Variants in MTOR observed in about 807,000 individuals in gnomAD.
MTOR encodes the protein mechanistic target of rapamycin kinase.
MTOR carries 70 observed loss-of-function variants against 319.8 expected under a neutral mutation model. The observed-to-expected ratio is 0.22, with a 90% confidence interval of 0.18 to 0.27. The LOEUF is 0.27. Among genes scored for constraint, MTOR ranks in the 10% least tolerant of loss-of-function variants. MTOR has a pLI of 1.00. For missense variants in MTOR, 1,890 were observed against 3,274.4 expected (o/e 0.58, Z 10.32); for synonymous variants, 1,183 against 1,211.4 (o/e 0.98, Z 0.49).
intron 19 of MTOR, among the ~76,000 whole-genome samples, chr1:11,222,018 A>C (rs1646679680): frequency 6.6e-6 from 1 of 151,446 alleles, no homozygotes; most frequent in Admixed American, 6.6e-5. Context: ...GGAGGTGGGA[A>C]GGTGCCTGGC....
chr1:11,236,302 A>G (rs959518881), intron 13 of MTOR, among the ~76,000 whole-genome samples: 12 of 151,742 alleles, frequency 7.9e-5, no homozygotes, highest in African/African-American at 2.7e-4. Flanking sequence ...ACACCCAGCT[A>G]ACTTTCGTAT....
chr1:11,212,934 G>A lies in MTOR; in HGVS notation c.3286-26C>T, dbSNP rs181405432. The A allele has an allele frequency of 3.5e-3, 5,584 of 1,578,520 alleles. 11 individuals carry two copies. Among genetic ancestry groups the A allele is most frequent in the Middle Eastern group, 4.7e-3 (28 of 5,984 alleles). ...CTGCAAAAGGGAGCAAAAGCATGGT[G>A]ATGAATAGTCAGGTCCCAAGTATCT... On this transcript the variant is annotated intron_variant, in intron 21 of 57. Coordinates refer to ENST00000361445, the MANE Select transcript of MTOR (RefSeq NM_004958.4). This position sits in a 1 kb window ranked among gnomAD's most constrained non-coding sequence, Gnocchi z 4.1.
rs908093207 is a variant in MTOR, at chr1:11,210,736, C to A, written c.3654+78G>T. ...ATTTACAGCCAAAAAGCTACACAAA[C>A]TCCCATAGCCAAGATTACAAGAATA... is the stretch of plus-strand genomic sequence containing the variant. On this transcript the variant is annotated intron_variant, in intron 24 of 57. Transcript: ENST00000361445. 3 of 1,159,338 alleles carry A rather than the reference C, an allele frequency of 2.6e-6. No homozygotes were observed. The African/African-American group carries it at 4.7e-5, about 18-fold the overall frequency. The allele number at this position is 1,159,338 out of a possible 1,614,324, so 71.8% of individuals were successfully genotyped here.
In MTOR at chr1:11,121,127, G is replaced by A. The variant is rs941258742; in HGVS notation, c.6933+119C>T. On this transcript the variant is annotated intron_variant, in intron 49 of 57. Transcript: ENST00000361445. The surrounding 1 kb of genome is among the most constrained non-coding windows in gnomAD (Gnocchi z 4.9). ...ATTTTTGTTAGAAAAGTCTGGACAC[G>A]CTCTACAGCCAATCACAGCAAAGAA... The A allele has an allele frequency of 8.0e-6, 11 of 1,370,948 alleles. No individual in the cohort carries two copies. The highest frequency in any genetic ancestry group is 2.9e-5 in the South Asian group (2 of 69,430). The allele number at this position is 1,370,948 out of a possible 1,614,324, so 84.9% of individuals were successfully genotyped here. A position where few individuals can be genotyped will look rare whatever the true frequency, so the allele number is the denominator to read the frequency against.
At chr1:11,167,270 G>T (rs1644676839) in intron 29 of MTOR, among the ~76,000 whole-genome samples, 172 bp downstream of exon 29, 1 of 151,712 alleles carries the variant, frequency 6.6e-6, no homozygotes, top group African/African-American at 2.4e-5. Context: ...AAGAAATAGA[G>T]TCCCTACAGA....
rs1220605886 is a variant in MTOR, at chr1:11,130,631, AGTGGCGGCCGTG to A, written c.5499_5510del (p.Thr1834_Thr1837del). ...CCTCGGTGCTGGCAGTGGTGGTGGC[AGTGGCGGCCGTG>A]GTGGCGGCAGTGGTGGCGTTGGTGA... is the stretch of plus-strand genomic sequence containing the variant. On this transcript the variant is annotated inframe_deletion, in exon 39 of 58. Coordinates refer to ENST00000361445, the MANE Select transcript of MTOR (RefSeq NM_004958.4). The A allele has an allele frequency of 3.7e-6, 6 of 1,613,788 alleles. No homozygotes were observed. Among genetic ancestry groups the A allele is most frequent in the South Asian group, 2.2e-5 (2 of 91,010 alleles).
At chr1:11,184,435 T>A (rs1645250015) in intron 28 of MTOR, among the ~76,000 whole-genome samples, 1 of 152,170 alleles carries the variant, frequency 6.6e-6, no homozygotes, top group Non-Finnish European at 1.5e-5. Flanking sequence ...TCATTTGCGG[T>A]GAAAAAATCT....
intron 19 of MTOR, among the ~76,000 whole-genome samples, chr1:11,217,972 A>G (rs535154541): frequency 6.6e-6 from 1 of 152,242 alleles, no homozygotes; most frequent in South Asian, 2.1e-4. Context: ...TTCCCTAATG[A>G]TAACTTTGAC....
chr1:11,109,663 G>A lies in MTOR; in HGVS notation c.7433C>T (p.Ser2478Phe). ...GCTGAACTTACTGAAAGAATGAATA[G>A]ATTCTGGCACTGTGGTCCCCGTTTT... The part of the protein sequence containing the change: ...HKKTGTTVPE[S>F]IHSFIGDGLV... Residue 2478 changes from serine to phenylalanine, a missense_variant, in exon 55 of 58, where the codon TCT becomes TTT. Around this residue, in one of 15 missense-constraint regions of MTOR, gnomAD observed 49 missense variants for 67.6 expected, o/e 0.72. Coordinates refer to ENST00000361445, the MANE Select transcript of MTOR (RefSeq NM_004958.4). The surrounding 1 kb of genome is among the most constrained non-coding windows in gnomAD (Gnocchi z 4.0). 3 of 1,614,130 alleles carry A rather than the reference G, an allele frequency of 1.9e-6. No homozygotes were observed. Among genetic ancestry groups the A allele is most frequent in the Non-Finnish European group, 2.5e-6 (3 of 1,179,986 alleles).
intron 7 of MTOR, 32 bp from the exon 8 acceptor site, chr1:11,247,765 G>GA (rs774507142): frequency 6.2e-7 from 1 of 1,613,900 alleles, no homozygotes; most frequent in Admixed American, 1.7e-5. Flanking sequence ...GTTGGCAGGG[G>GA]AAAAGTGAGG....
intron 46 of MTOR, among the ~76,000 whole-genome samples, chr1:11,125,481 AAC>A (rs1642778246): frequency 6.6e-6 from 1 of 152,072 alleles, no homozygotes; most frequent in African/African-American, 2.4e-5. Context: ...CTGTAATCCT[AAC>A]ATTGTGGGAG....
Position 11,212,552 on chromosome 1 carries a change from A to T in MTOR, c.3399-78T>A. The T allele has an allele frequency of 1.3e-6, 2 of 1,517,316 alleles. No individual in the cohort carries two copies. The highest frequency in any genetic ancestry group is 1.8e-6 in the Non-Finnish European group (2 of 1,118,952). 94.0% of individuals were successfully genotyped at this position (1,517,316 alleles called of 1,614,324 possible). ...AGACGTGACTGAGGGTGAGCTTAAC[A>T]ATCAGCACCAAAGGGATGGGAATGA... is the stretch of plus-strand genomic sequence containing the variant. On this transcript the variant is annotated intron_variant, in intron 22 of 57. Transcript: ENST00000361445. This position sits in a 1 kb window ranked among gnomAD's most constrained non-coding sequence, Gnocchi z 4.1.
At chr1:11,236,802 C>T (rs930580324) in intron 13 of MTOR, among the ~76,000 whole-genome samples, 13 of 152,290 alleles carry the variant, frequency 8.5e-5, no homozygotes, top group African/African-American at 3.1e-4. Context: ...TGAGCCACCA[C>T]GCCCGGCCTT....
chr1:11,233,699 T>C (rs1353677401), intron 14 of MTOR, among the ~76,000 whole-genome samples: 1 of 152,234 alleles, frequency 6.6e-6, no homozygotes, highest in Non-Finnish European at 1.5e-5. Context: ...GGAAGCACCA[T>C]AATGTGAAAG....
chr1:11,156,068 G>C (rs868750697), intron 30 of MTOR, among the ~76,000 whole-genome samples: 2 of 152,134 alleles, frequency 1.3e-5, no homozygotes, highest in African/African-American at 2.4e-5. Context: ...TCAGCTCACT[G>C]CAACCTCCGC....
At chr1:11,255,725 G>C (rs969608720) in intron 5 of MTOR, among the ~76,000 whole-genome samples, 1 of 151,892 alleles carries the variant, frequency 6.6e-6, no homozygotes, top group African/African-American at 2.4e-5. Context: ...CACGCCTGTA[G>C]TCCTAGCTAT....
At chr1:11,150,284 T>G (rs1442107302) in intron 30 of MTOR, 58 bp from the exon 31 acceptor site, 1 of 1,463,218 alleles carries the variant, frequency 6.8e-7, no homozygotes, top group African/African-American at 1.4e-5. Context: ...CTACCAATCT[T>G]CCTCTCCTGC....
intron 46 of MTOR, among the ~76,000 whole-genome samples, chr1:11,125,422 T>A (rs77597514): frequency 6.6e-6 from 1 of 152,006 alleles, no homozygotes; most frequent in South Asian, 2.1e-4. Flanking sequence ...TTAAGAAACA[T>A]TGAGCATTAT....
chr1:11,134,524 G>T, intron 36 of MTOR, 58 bp from the exon 37 acceptor site: 1 of 1,453,610 alleles, frequency 6.9e-7, no homozygotes, highest in Non-Finnish European at 9.7e-7. Context: ...TTCAGAGGAA[G>T]GGAGCTACCG....
Sources: allele counts gnomAD v4.1 joint callset (sites outside exome capture counted in the v4.1 genomes callset), GRCh38; gene constraint gnomAD v4.1.1; regional missense constraint gnomAD v4.1.1; non-coding constraint Gnocchi (gnomAD v3.1); transcripts MANE v1.5; gene names NCBI Gene and HGNC (gene_info 2026-07-23, HGNC 2026-07-21).